RCOR1: variants seen among roughly 807,000 people sequenced by gnomAD.
RCOR1 encodes REST corepressor 1, also known as REST corepressor.
A neutral mutation model predicts 64.0 loss-of-function variants in RCOR1; 12 were observed. The ratio of observed to expected loss-of-function variants is 0.19; its 90% CI spans 0.12 to 0.30. RCOR1 has a LOEUF of 0.30. Among genes scored for constraint, RCOR1 ranks in the 10% least tolerant of loss-of-function variants. RCOR1 has a pLI of 1.00. For synonymous variants in RCOR1, 279 were observed against 227.2 expected, an observed-to-expected ratio of 1.23 and a Z score of -2.05; for missense variants, 502 against 621.2, an observed-to-expected ratio of 0.81 and a Z score of 2.04.
intron 2 of RCOR1, among the ~76,000 whole-genome samples, chr14:102,616,102 A>G (rs1050657777): frequency 2.0e-5 from 3 of 152,190 alleles, no homozygotes; most frequent in Admixed American, 6.6e-5. Context: ...GCAAATTTCA[A>G]GAGTTCCTGC....
chr14:102,658,489 T>A (rs1894769507), intron 2 of RCOR1: 15 of 978,916 alleles, frequency 1.5e-5, no homozygotes, highest in Middle Eastern at 5.2e-4. Context: ...CTGAAAAAAA[T>A]AATAATAAAA....
intron 2 of RCOR1, chr14:102,659,001 A>G (rs1458003429): frequency 5.9e-6 from 3 of 508,840 alleles, no homozygotes; most frequent in Non-Finnish European, 7.6e-6. Flanking sequence ...AGTAAGTCCA[A>G]CCTACACTCA....
intron 2 of RCOR1, among the ~76,000 whole-genome samples, chr14:102,654,253 T>G (rs920235086): frequency 6.6e-6 from 1 of 151,902 alleles, no homozygotes; most frequent in Non-Finnish European, 1.5e-5. Context: ...TCCCAAAGTG[T>G]CGGGATTACA....
At chr14:102,638,870 C>A (rs1894300097) in intron 2 of RCOR1, among the ~76,000 whole-genome samples, 1 of 152,186 alleles carries the variant, frequency 6.6e-6, no homozygotes, top group Non-Finnish European at 1.5e-5. Flanking sequence ...GCCATGCTGG[C>A]CAGGCTGATC....
intron 2 of RCOR1, among the ~76,000 whole-genome samples, chr14:102,681,267 T>G (rs1409684074): frequency 6.6e-6 from 1 of 152,222 alleles, no homozygotes; most frequent in Non-Finnish European, 1.5e-5. Context: ...GCCTAACCAG[T>G]GTGAAGGTAT....
chr14:102,629,074 A>C (rs929410529), intron 2 of RCOR1, among the ~76,000 whole-genome samples: 1 of 151,860 alleles, frequency 6.6e-6, no homozygotes, highest in African/African-American at 2.4e-5. Context: ...TTTTGTATTC[A>C]ACACGCTGTT....
At chr14:102,683,677 C>T (rs538963799) in intron 3 of RCOR1, among the ~76,000 whole-genome samples, 7 of 152,342 alleles carry the variant, frequency 4.6e-5, no homozygotes, top group South Asian at 4.1e-4. Flanking sequence ...GTTCCGTGCG[C>T]GAATGTGGCC....
At chr14:102,657,806 CCAGCCTGGGCGA>C (rs1894755637) in intron 2 of RCOR1, 1 of 907,178 alleles carries the variant, frequency 1.1e-6, no homozygotes, top group Non-Finnish European at 1.3e-6. Flanking sequence ...CCATTGCACT[CCAGCCTGGGCGA>C]CAGAGTGAGA....
intron 8 of RCOR1, among the ~76,000 whole-genome samples, chr14:102,719,093 A>AT (rs959404435): frequency 1.3e-5 from 2 of 151,140 alleles, no homozygotes; most frequent in Non-Finnish European, 3.0e-5. Flanking sequence ...CACTAGCATA[A>AT]TTTTTTTTTG....
At chr14:102,671,296 A>G (rs1457540849) in intron 2 of RCOR1, among the ~76,000 whole-genome samples, 4 of 152,136 alleles carry the variant, frequency 2.6e-5, no homozygotes, top group South Asian at 4.1e-4. Context: ...TTTTTAGGGT[A>G]TAGGGGAGGG....
intron 2 of RCOR1, among the ~76,000 whole-genome samples, chr14:102,613,192 C>T (rs1893669700): frequency 6.6e-6 from 1 of 151,920 alleles, no homozygotes; most frequent in Non-Finnish European, 1.5e-5. Context: ...ACCTTCGCCT[C>T]CCGGGTTCAA....
chr14:102,642,505 C>T (rs942022), intron 2 of RCOR1, among the ~76,000 whole-genome samples: 121,034 of 152,054 alleles, frequency 0.8, 48,425 homozygotes, highest in Middle Eastern at 0.87. Context: ...AGTCTTAGGC[C>T]GATTTGATGA....
At chr14:102,724,003 G>A (rs1383679296) in intron 11 of RCOR1, among the ~76,000 whole-genome samples, 2 of 152,122 alleles carry the variant, frequency 1.3e-5, no homozygotes, top group Non-Finnish European at 2.9e-5. Flanking sequence ...TGGATCATTG[G>A]TTGACTGACT....
intron 2 of RCOR1, among the ~76,000 whole-genome samples, chr14:102,653,959 CTTTCTTTCTTTCTTTCTTTCTTTCTTT>C (rs1894655430): frequency 2.0e-5 from 1 of 50,042 alleles, no homozygotes. Flanking sequence ...TTCTTTCTTT[CTTTCTTTCTTTCTTTCTTTCTTTCTTT>C]TTTTTTTTTT....
intron 8 of RCOR1, among the ~76,000 whole-genome samples, chr14:102,715,072 A>T (rs566274038): frequency 7.1e-6 from 1 of 140,696 alleles, no homozygotes; most frequent in African/African-American, 2.6e-5. Flanking sequence ...CACTATTCTG[A>T]TTTTTTTTTT....
intron 7 of RCOR1, among the ~76,000 whole-genome samples, chr14:102,712,947 GT>G (rs67246962): frequency 0.03 from 2,336 of 77,732 alleles, 12 homozygotes; most frequent in African/African-American, 0.057. Flanking sequence ...CTAAATCATT[GT>G]TTTTTTTTTT....
At chr14:102,722,085 G>C in intron 10 of RCOR1, 102 bp from the exon 11 acceptor site, 1 of 813,244 alleles carries the variant, frequency 1.2e-6, no homozygotes, top group Non-Finnish European at 2.0e-6. Flanking sequence ...GCTGTTAAAA[G>C]CCTGTATGTT....
At chr14:102,689,317 A>G (rs1430234137) in intron 3 of RCOR1, among the ~76,000 whole-genome samples, 1 of 152,038 alleles carries the variant, frequency 6.6e-6, no homozygotes, top group Non-Finnish European at 1.5e-5. Context: ...CTTGATTATT[A>G]TTATTTTTTT....
chr14:102,684,392 G>A (rs1232368189), intron 3 of RCOR1, among the ~76,000 whole-genome samples: 2 of 152,148 alleles, frequency 1.3e-5, no homozygotes, highest in African/African-American at 4.8e-5. Context: ...AGACCTAGGG[G>A]TTTTCCTTAG....
Sources: gnomAD v4.1 joint callset for allele counts (sites outside exome capture counted in the v4.1 genomes callset) on GRCh38, gnomAD v4.1.1 for gene constraint, MANE v1.5 for transcripts, NCBI Gene and HGNC (gene_info 2026-07-23, HGNC 2026-07-21) for gene names.